Variants in ANKRD42 observed in about 807,000 individuals in gnomAD.
ANKRD42 encodes the protein ankyrin repeat domain-containing protein 42.
ANKRD42 carries 43 observed loss-of-function variants against 51.5 expected under a neutral mutation model. That is an observed-to-expected ratio of 0.83 (90% CI 0.65 to 1.08). ANKRD42 has a LOEUF of 1.08. ANKRD42 is among the 50% of genes least tolerant of loss of function. The pLI is 0.00. For missense variants in ANKRD42, 608 were observed against 629.3 expected, an observed-to-expected ratio of 0.97 and a Z score of 0.36; for synonymous variants, 203 against 213.0, an observed-to-expected ratio of 0.95 and a Z score of 0.41.
exon 12 of ANKRD42, chr11:83,255,861 G>T: frequency 6.5e-7 from 1 of 1,533,132 alleles, no homozygotes; most frequent in South Asian, 1.2e-5. Context: ...AGCGCTTCTT[G>T]TGAGTCAAAC....
chr11:83,256,476 G>A (rs1020772311), downstream of ANKRD42, among the ~76,000 whole-genome samples: 1 of 151,982 alleles, frequency 6.6e-6, no homozygotes, highest in Non-Finnish European at 1.5e-5. Flanking sequence ...TTAAAGATTA[G>A]TAGTGCTTGG....
At chr11:83,203,504 C>A (rs572107969) in intron 2 of ANKRD42, among the ~76,000 whole-genome samples, 3 of 151,626 alleles carry the variant, frequency 2.0e-5, no homozygotes, top group East Asian at 3.9e-4. Flanking sequence ...AATGATTCTC[C>A]TGCCTCAGCC....
intron 5 of ANKRD42, chr11:83,214,682 A>G (rs2135511299): frequency 2.0e-6 from 1 of 493,630 alleles, no homozygotes; most frequent in East Asian, 1.5e-4. Context: ...GATCAAATCA[A>G]GGTAATTGGG....
intron 5 of ANKRD42, among the ~76,000 whole-genome samples, chr11:83,217,105 G>T (rs1862565761): frequency 6.6e-6 from 1 of 152,176 alleles, no homozygotes; most frequent in African/African-American, 2.4e-5. Context: ...TGATCTTGGA[G>T]GAAACAAATT....
At chr11:83,194,846 T>G (rs1861574030) in intron 1 of ANKRD42, 118 bp downstream of exon 1, 1 of 1,057,510 alleles carries the variant, frequency 9.5e-7, no homozygotes, top group Non-Finnish European at 1.4e-6. Flanking sequence ...CCCCTTTCCC[T>G]TTTTAATTTA....
At chr11:83,216,055 A>G (rs1464733434) in intron 5 of ANKRD42, among the ~76,000 whole-genome samples, 3 of 152,190 alleles carry the variant, frequency 2.0e-5, no homozygotes, top group Non-Finnish European at 4.4e-5. Flanking sequence ...TCGGCCACCC[A>G]AAGTGCTGGG....
intron 9 of ANKRD42, among the ~76,000 whole-genome samples, chr11:83,243,689 A>T (rs889505047): frequency 3.9e-5 from 6 of 152,138 alleles, no homozygotes; most frequent in Admixed American, 3.3e-4. Context: ...TTTGAGACGG[A>T]GTCTTGCTCT....
At chr11:83,254,110 G>T (rs954658749) in intron 11 of ANKRD42, among the ~76,000 whole-genome samples, 58 of 152,226 alleles carry the variant, frequency 3.8e-4, no homozygotes, top group Non-Finnish European at 8.8e-5. Flanking sequence ...GAGTAGCTGG[G>T]ACTACAGGCA....
intron 3 of ANKRD42, chr11:83,209,835 G>A (rs1017021466): frequency 9.5e-6 from 5 of 525,630 alleles, no homozygotes; most frequent in African/African-American, 5.8e-5. Context: ...CCAGATGAGT[G>A]CTCTGTGGAC....
intron 5 of ANKRD42, chr11:83,213,168 G>A (rs982478996): frequency 6.2e-7 from 1 of 1,601,480 alleles, no homozygotes; most frequent in African/African-American, 1.3e-5. Flanking sequence ...CAATCTTGAT[G>A]CCCAACATTG....
At chr11:83,251,727 AT>A (rs1393018952), downstream of ANKRD42, among the ~76,000 whole-genome samples, 1 of 152,144 alleles carries the variant, frequency 6.6e-6, no homozygotes, top group African/African-American at 2.4e-5. Context: ...AATTTAGTAA[AT>A]TAATTTTAGG....
At chr11:83,259,258 G>A (rs540974304), downstream of ANKRD42, 6 of 152,116 alleles carry the variant, frequency 3.9e-5, no homozygotes, top group Non-Finnish European at 8.8e-5. Flanking sequence ...AAGGCATATA[G>A]AAACACAATC....
At chr11:83,227,709 C>T (rs1305110419) in intron 6 of ANKRD42, 38 bp from the exon 7 acceptor site, 3 of 1,581,074 alleles carry the variant, frequency 1.9e-6, no homozygotes, top group South Asian at 1.2e-5. Flanking sequence ...AGAATAAACT[C>T]TTATGTTTAT....
chr11:83,207,974 TC>T (rs937756378), intron 3 of ANKRD42, among the ~76,000 whole-genome samples: 12 of 152,040 alleles, frequency 7.9e-5, no homozygotes, highest in Non-Finnish European at 1.5e-4. Context: ...AGAGAGTTTT[TC>T]CCCCCCTCCT....
chr11:83,215,658 G>A (rs1590980717), intron 5 of ANKRD42, among the ~76,000 whole-genome samples: 1 of 152,136 alleles, frequency 6.6e-6, no homozygotes, highest in East Asian at 1.9e-4. Context: ...AGATATAACA[G>A]ATTATTTTAA....
rs1398758899 is a variant in ANKRD42, at chr11:83,248,264, A to G, written c.*60A>G. On this transcript the variant is annotated 3_prime_UTR_variant, in exon 11 of 11. Coordinates refer to ENST00000533342, the MANE Select transcript of ANKRD42 (RefSeq NM_001300975.2). Reference sequence around the variant, plus strand: ...CTATAAACTGGAGATGATAACTTATACTTTCTAGAGCTGATGACAGGATTA... The same window carrying G: ...CTATAAACTGGAGATGATAACTTATGCTTTCTAGAGCTGATGACAGGATTA... The G allele has an allele frequency of 2.8e-6, 4 of 1,440,000 alleles. No individual in the cohort carries two copies. Among genetic ancestry groups the G allele is most frequent in the Non-Finnish European group, 3.6e-6 (4 of 1,102,216 alleles). The allele number at this position is 1,440,000 out of a possible 1,614,324, so 89.2% of individuals were successfully genotyped here.
chr11:83,258,156 G>T (rs1012250190), downstream of ANKRD42, among the ~76,000 whole-genome samples: 21 of 152,150 alleles, frequency 1.4e-4, no homozygotes, highest in Non-Finnish European at 1.3e-4. Flanking sequence ...TGACACCATG[G>T]AGCTGACATA....
intron 1 of ANKRD42, among the ~76,000 whole-genome samples, chr11:83,195,326 G>A (rs561140501): frequency 3.9e-5 from 6 of 152,270 alleles, no homozygotes; most frequent in Non-Finnish European, 8.8e-5. Context: ...TTACCTTCTA[G>A]TGAGGAAGAT....
intron 5 of ANKRD42, among the ~76,000 whole-genome samples, chr11:83,216,678 G>A (rs1862548010): frequency 6.6e-6 from 1 of 152,194 alleles, no homozygotes; most frequent in Admixed American, 6.5e-5. Context: ...CTCGGCTTTT[G>A]TTTGTCTGGG....
Sources: gnomAD v4.1 joint callset for allele counts (sites outside exome capture counted in the v4.1 genomes callset) on GRCh38, gnomAD v4.1.1 for gene constraint, MANE v1.5 for transcripts, NCBI Gene and HGNC (gene_info 2026-07-23, HGNC 2026-07-21) for gene names.